Variants in PRKG1 observed in about 807,000 individuals in gnomAD.
PRKG1 encodes cGMP-dependent protein kinase 1.
In PRKG1, 35 loss-of-function variants were observed where a neutral mutation model predicts 88.1. The ratio of observed to expected loss-of-function variants is 0.40; its 90% CI spans 0.30 to 0.53. The LOEUF (loss-of-function observed/expected upper bound fraction) is 0.53. Among genes scored for constraint, PRKG1 ranks in the 20% least tolerant of loss-of-function variants. The pLI is 0.59. For missense variants in PRKG1, 540 were observed against 839.8 expected (o/e 0.64, Z 4.41); for synonymous variants, 303 against 292.5 (o/e 1.04, Z -0.37).
At chr10:51,913,606 GT>G (rs1842273663) in intron 5 of PRKG1, among the ~76,000 whole-genome samples, 1 of 152,106 alleles carries the variant, frequency 6.6e-6, no homozygotes, top group Admixed American at 6.5e-5. Context: ...CAGGTATAGA[GT>G]TTCTTGGTCA....
chr10:51,841,685 G>GT (rs1394014847), intron 4 of PRKG1, among the ~76,000 whole-genome samples: 26 of 151,640 alleles, frequency 1.7e-4, no homozygotes, highest in South Asian at 4.2e-4. Flanking sequence ...GTTTTTATGT[G>GT]TTTTTTTTCA....
intron 2 of PRKG1, among the ~76,000 whole-genome samples, chr10:51,356,165 GA>G (rs149417739): frequency 0.027 from 4,081 of 152,108 alleles, 175 homozygotes; most frequent in African/African-American, 0.093. Context: ...CACTGTAAAG[GA>G]AAACAGAGGA....
chr10:51,265,673 TA>T (rs1404553078), intron 2 of PRKG1, among the ~76,000 whole-genome samples: 2 of 152,168 alleles, frequency 1.3e-5, no homozygotes, highest in Non-Finnish European at 1.5e-5. Flanking sequence ...AATGTGTGGT[TA>T]ACCATGTTTT....
chr10:52,107,471 G>A (rs2132581064), intron 7 of PRKG1, among the ~76,000 whole-genome samples: 1 of 152,262 alleles, frequency 6.6e-6, no homozygotes, highest in East Asian at 1.9e-4. Flanking sequence ...TATAAAGCCT[G>A]CTGAGCAGTG....
At chr10:51,705,935 G>A (rs1401793917) in intron 3 of PRKG1, among the ~76,000 whole-genome samples, 1 of 152,148 alleles carries the variant, frequency 6.6e-6, no homozygotes, top group Non-Finnish European at 1.5e-5. Context: ...TTCATAAGTA[G>A]TACAGTAATC....
At chr10:52,135,040 A>G (rs1837367683) in intron 8 of PRKG1, among the ~76,000 whole-genome samples, 1 of 152,152 alleles carries the variant, frequency 6.6e-6, no homozygotes, top group Non-Finnish European at 1.5e-5. Flanking sequence ...AAGGAGCAGC[A>G]CAGATGCTGG....
chr10:51,573,564 A>G (rs540856041), intron 3 of PRKG1, among the ~76,000 whole-genome samples: 20 of 151,982 alleles, frequency 1.3e-4, no homozygotes, highest in African/African-American at 4.3e-4. Context: ...GACAGAAACC[A>G]ATTTACCATG....
intron 1 of PRKG1, among the ~76,000 whole-genome samples, chr10:50,997,583 A>G (rs1386518280): frequency 6.6e-6 from 1 of 152,162 alleles, no homozygotes; most frequent in Non-Finnish European, 1.5e-5. Flanking sequence ...ATAGTTGCTC[A>G]GGGTATGAAT....
At chr10:52,134,728 C>T (rs754681819) in intron 8 of PRKG1, among the ~76,000 whole-genome samples, 1 of 151,982 alleles carries the variant, frequency 6.6e-6, no homozygotes, top group Non-Finnish European at 1.5e-5. Context: ...ATAGAATGAA[C>T]CTGAGGAGCC....
At chr10:51,499,255 C>T (rs1489049588) in intron 3 of PRKG1, among the ~76,000 whole-genome samples, 1 of 152,132 alleles carries the variant, frequency 6.6e-6, no homozygotes, top group African/African-American at 2.4e-5. Context: ...AGCTGTGCAA[C>T]TCTATGAGTG....
At chr10:51,149,920 A>G (rs1435805067) in intron 1 of PRKG1, among the ~76,000 whole-genome samples, 1 of 152,160 alleles carries the variant, frequency 6.6e-6, no homozygotes, top group Non-Finnish European at 1.5e-5. Context: ...CATTATATAT[A>G]GCTAATATTT....
intron 2 of PRKG1, among the ~76,000 whole-genome samples, chr10:51,429,153 A>G (rs770648362): frequency 2.6e-5 from 4 of 152,240 alleles, no homozygotes; most frequent in Non-Finnish European, 5.9e-5. Flanking sequence ...TTGGCTCAAC[A>G]TGTTTGAGCA....
At chr10:52,201,193 C>A (rs1839658549) in intron 9 of PRKG1, among the ~76,000 whole-genome samples, 1 of 152,064 alleles carries the variant, frequency 6.6e-6, no homozygotes. Flanking sequence ...CCATGCTTTG[C>A]ATTTAAGTAT....
intron 8 of PRKG1, among the ~76,000 whole-genome samples, chr10:52,144,580 G>A (rs1423377253): frequency 2.0e-5 from 3 of 152,166 alleles, no homozygotes; most frequent in African/African-American, 4.8e-5. Flanking sequence ...GGAGGCCAAG[G>A]CAGGTGGATC....
At chr10:51,327,269 T>G (rs1308358780) in intron 2 of PRKG1, among the ~76,000 whole-genome samples, 3 of 151,850 alleles carry the variant, frequency 2.0e-5, no homozygotes, top group Non-Finnish European at 4.4e-5. Flanking sequence ...ACGAAAAAGT[T>G]AGCCAGTCCT....
intron 5 of PRKG1, among the ~76,000 whole-genome samples, chr10:51,996,022 G>C (rs1184809086): frequency 6.6e-6 from 1 of 152,030 alleles, no homozygotes; most frequent in African/African-American, 2.4e-5. Flanking sequence ...ATAGGGTACA[G>C]AGATAACTGG....
chr10:52,113,537 A>T (rs1421063573), intron 7 of PRKG1, among the ~76,000 whole-genome samples: 1 of 152,088 alleles, frequency 6.6e-6, no homozygotes, highest in Non-Finnish European at 1.5e-5. Context: ...TCAGCCTACA[A>T]TCTTGGGGTA....
chr10:51,222,129 C>T lies in PRKG1; in HGVS notation c.478+68799C>T, dbSNP rs796675434. Among the ~76,000 whole-genome samples the T allele has an allele frequency of 3.1e-4, 38 of 123,598 alleles. No homozygotes were observed. The East Asian group carries it at 6.0e-3, about 19-fold the overall frequency. 81.1% of individuals were successfully genotyped at this position (123,598 alleles called of 152,430 possible). On this transcript the variant is annotated intron_variant, in intron 2 of 17. Transcript: ENST00000373980. ...TGGCCTCACGTGATCCGCGCCCCCC[C>T]CCGACCCCAGCCTCCCAAAGTGTTG...
intron 7 of PRKG1, 180 bp downstream of exon 7, chr10:52,062,811 A>G: frequency 2.8e-6 from 2 of 723,194 alleles, no homozygotes; most frequent in Non-Finnish European, 5.1e-6. Context: ...CTGTTTGAAT[A>G]CGTTGTGGAA....
Sources: allele counts gnomAD v4.1 joint callset (sites outside exome capture counted in the v4.1 genomes callset), GRCh38; gene constraint gnomAD v4.1.1; transcripts MANE v1.5; gene names NCBI Gene and HGNC (gene_info 2026-07-23, HGNC 2026-07-21).